The following SPOCK1 variants were observed in gnomAD, a reference collection of about 807,000 sequenced individuals.
SPOCK1 encodes the protein SPARC (osteonectin), cwcv and kazal like domains proteoglycan 1.
Under a neutral mutation model 55.3 loss-of-function variants are expected in SPOCK1, and 23 were observed. The observed-to-expected ratio is 0.42, with a 90% CI of 0.30 to 0.59. The LOEUF (loss-of-function observed/expected upper bound fraction) is 0.59, where lower values mean the gene tolerates loss of function less well. Among genes scored for constraint, SPOCK1 ranks in the 20% least tolerant of loss-of-function variants. SPOCK1 has a pLI of 0.22. For synonymous variants in SPOCK1, 226 were observed against 221.0 expected (o/e 1.02, Z -0.20); for missense variants, 499 against 552.5 (o/e 0.90, Z 0.97).
intron 2 of SPOCK1, among the ~76,000 whole-genome samples, chr5:137,314,436 G>A (rs1453531040): frequency 2.6e-5 from 4 of 152,098 alleles, no homozygotes; most frequent in African/African-American, 9.7e-5. Flanking sequence ...ACAGGACTTG[G>A]CACATAACAA....
Position 137,324,369 on chromosome 5 carries a change from C to T in SPOCK1, c.187-57314G>A, listed in dbSNP as rs141097929. 1.7e-3 allele frequency among the ~76,000 whole-genome samples: 262 copies of T among 152,134 alleles called. 1 individual carries two copies. Among genetic ancestry groups the T allele is most frequent in the African/African-American group, 6.0e-3 (247 of 41,502 alleles). ...CTGAGGCAGGAGAGTCGCTTGAACC[C>T]GGGAGGCAGAGTTTGCAGTGAGCCA... On this transcript the variant is annotated intron_variant, in intron 2 of 10. Transcript: ENST00000394945.
chr5:137,281,629 C>T (rs979115385), intron 2 of SPOCK1, among the ~76,000 whole-genome samples: 1 of 152,216 alleles, frequency 6.6e-6, no homozygotes, highest in Non-Finnish European at 1.5e-5. Context: ...CACGTTTACC[C>T]ACAAGGCGGT....
chr5:137,138,504 T>TAC (rs34293195), intron 4 of SPOCK1, among the ~76,000 whole-genome samples: 34,500 of 147,536 alleles, frequency 0.23, 4,357 homozygotes, highest in East Asian at 0.39. Context: ...CACACAAACA[T>TAC]ACACACACAC....
At chr5:137,395,936 T>C (rs1413776033) in intron 2 of SPOCK1, among the ~76,000 whole-genome samples, 3 of 152,170 alleles carry the variant, frequency 2.0e-5, no homozygotes, top group Admixed American at 6.5e-5. Flanking sequence ...CCAATACAAA[T>C]AGAAAGGCTA....
chr5:137,123,714 G>C (rs1264072015), intron 4 of SPOCK1, among the ~76,000 whole-genome samples: 2 of 152,100 alleles, frequency 1.3e-5, no homozygotes, highest in African/African-American at 2.4e-5. Flanking sequence ...AAAGTTGGTA[G>C]GCAGGCTCGC....
chr5:137,195,588 G>T (rs893137991), intron 3 of SPOCK1, among the ~76,000 whole-genome samples: 5 of 152,176 alleles, frequency 3.3e-5, no homozygotes, highest in African/African-American at 1.2e-4. Context: ...ACCCTATTTG[G>T]CCACAGGCTA....
At chr5:137,459,575 C>T (rs1753437649) in intron 2 of SPOCK1, among the ~76,000 whole-genome samples, 1 of 151,926 alleles carries the variant, frequency 6.6e-6, no homozygotes, top group Non-Finnish European at 1.5e-5. Context: ...CAATGCTACT[C>T]CATCTTTCCG....
Position 137,045,154 on chromosome 5 carries a change from T to A in SPOCK1, c.589+22561A>T, listed in dbSNP as rs1243153603. ...CATGATTTATAATCTTTTAGGTATA[T>A]ACCCAGTAATGGGATGGCTGGGTCA... is the stretch of plus-strand genomic sequence containing the variant. On this transcript the variant is annotated intron_variant, in intron 6 of 10. Transcript: ENST00000394945. Among the ~76,000 whole-genome samples, 80 of 151,498 alleles carry A rather than the reference T, an allele frequency of 5.3e-4. 2 individuals are homozygous for A. The highest frequency in any genetic ancestry group is 1.0e-4 in the Non-Finnish European group (7 of 68,014).
intron 4 of SPOCK1, among the ~76,000 whole-genome samples, chr5:137,116,788 C>T (rs974523573): frequency 6.6e-6 from 1 of 152,154 alleles, no homozygotes; most frequent in African/African-American, 2.4e-5. Context: ...ACACTGACCA[C>T]GACCAACATC....
At chr5:137,418,008 T>A (rs903246538) in intron 2 of SPOCK1, among the ~76,000 whole-genome samples, 1 of 152,108 alleles carries the variant, frequency 6.6e-6, no homozygotes, top group Non-Finnish European at 1.5e-5. Flanking sequence ...CCTGTGTCCA[T>A]GTGTTCTCAT....
intron 4 of SPOCK1, among the ~76,000 whole-genome samples, chr5:137,116,456 C>A (rs1388048202): frequency 1.3e-5 from 2 of 151,960 alleles, no homozygotes; most frequent in African/African-American, 4.8e-5. Context: ...ACCAGCCTGG[C>A]CAACATAGCG....
intron 6 of SPOCK1, among the ~76,000 whole-genome samples, chr5:137,065,080 C>T (rs6862879): frequency 0.98 from 149,857 of 152,188 alleles, 73,828 homozygotes; most frequent in Middle Eastern, 1. Context: ...ATACAAAAAT[C>T]AGCTAGGCGT....
At chr5:137,330,870 C>T (rs533290006) in intron 2 of SPOCK1, among the ~76,000 whole-genome samples, 14 of 152,286 alleles carry the variant, frequency 9.2e-5, no homozygotes, top group African/African-American at 2.2e-4. Flanking sequence ...TATTGAATAC[C>T]TATTATATCA....
At chr5:137,371,083 C>A (rs1580890586) in intron 2 of SPOCK1, among the ~76,000 whole-genome samples, 1 of 152,256 alleles carries the variant, frequency 6.6e-6, no homozygotes. Flanking sequence ...TTCAGGCTTA[C>A]ACCCTCTCCA....
chr5:137,186,888 C>T (rs1392940483), intron 3 of SPOCK1, among the ~76,000 whole-genome samples: 1 of 152,170 alleles, frequency 6.6e-6, no homozygotes, highest in East Asian at 1.9e-4. Context: ...AGGCCATTAA[C>T]TCCAAAGGCC....
chr5:137,407,710 T>G (rs990045663), intron 2 of SPOCK1, among the ~76,000 whole-genome samples: 2 of 151,784 alleles, frequency 1.3e-5, no homozygotes, highest in Non-Finnish European at 2.9e-5. Flanking sequence ...AGAATCTCAT[T>G]CTCCCCCCAA....
intron 2 of SPOCK1, among the ~76,000 whole-genome samples, chr5:137,453,264 A>G (rs992093509): frequency 3.9e-5 from 6 of 152,216 alleles, no homozygotes; most frequent in African/African-American, 1.4e-4. Flanking sequence ...AAACTCCCTG[A>G]TTCCACTAAA....
chr5:137,004,264 C>T (rs1751202586), intron 6 of SPOCK1, among the ~76,000 whole-genome samples: 3 of 152,124 alleles, frequency 2.0e-5, no homozygotes, highest in African/African-American at 7.2e-5. Flanking sequence ...TTCCAGTGAA[C>T]AAGCTGATGA....
intron 6 of SPOCK1, among the ~76,000 whole-genome samples, chr5:136,996,305 A>C (rs751100975): frequency 1.1e-4 from 17 of 152,164 alleles, no homozygotes; most frequent in Non-Finnish European, 1.6e-4. Context: ...CCCTGTGGCA[A>C]TCCCGGCAAT....
Sources: allele counts gnomAD v4.1 joint callset (sites outside exome capture counted in the v4.1 genomes callset), GRCh38; gene constraint gnomAD v4.1.1; transcripts MANE v1.5; gene names NCBI Gene and HGNC (gene_info 2026-07-23, HGNC 2026-07-21).